Variants in DTNB observed in about 807,000 individuals in gnomAD.
The protein encoded by DTNB is dystrobrevin beta, also known as DTN-B.
DTNB carries 63 observed loss-of-function variants against 90.7 expected under a neutral mutation model. The observed-to-expected ratio is 0.69, with a 90% CI of 0.57 to 0.86. The LOEUF (loss-of-function observed/expected upper bound fraction) is 0.86. Among genes scored for constraint, DTNB ranks in the 40% least tolerant of loss-of-function variants. The probability of loss-of-function intolerance (pLI) is 0.00; values close to 1 mark genes in which losing one functional copy is unlikely to be tolerated. For synonymous variants in DTNB, 277 were observed against 286.7 expected (o/e 0.97, Z 0.34); for missense variants, 744 against 807.1 (o/e 0.92, Z 0.95).
chr2:25,614,804 C>T (rs1315819124), intron 4 of DTNB, among the ~76,000 whole-genome samples: 2 of 152,306 alleles, frequency 1.3e-5, no homozygotes, highest in South Asian at 2.1e-4. Context: ...TACTCTCTTA[C>T]ACAGCAATTC....
intron 2 of DTNB, among the ~76,000 whole-genome samples, chr2:25,644,235 A>G (rs765076149): frequency 5.5e-4 from 83 of 152,278 alleles, no homozygotes; most frequent in Non-Finnish European, 1.1e-3. Flanking sequence ...CGCACTGAGA[A>G]TTCTTTCTTG....
intron 16 of DTNB, among the ~76,000 whole-genome samples, chr2:25,395,649 T>C (rs918056448): frequency 2.4e-4 from 36 of 151,860 alleles, no homozygotes; most frequent in Admixed American, 3.3e-4. Flanking sequence ...TCAAAATCTA[T>C]GTGACAAAAT....
intron 2 of DTNB, chr2:25,639,346 A>G (rs965650874): frequency 8.7e-6 from 3 of 346,218 alleles, no homozygotes; most frequent in African/African-American, 2.1e-5. Context: ...CAGGGGGAGG[A>G]ACACTTATGA....
At chr2:25,606,642 G>A (rs1341885652) in intron 5 of DTNB, among the ~76,000 whole-genome samples, 3 of 152,070 alleles carry the variant, frequency 2.0e-5, no homozygotes, top group African/African-American at 4.8e-5. Flanking sequence ...TTAAATAGTT[G>A]TGAATTTCAT....
intron 1 of DTNB, among the ~76,000 whole-genome samples, chr2:25,655,663 T>C (rs1456747912): frequency 6.6e-6 from 1 of 152,126 alleles, no homozygotes; most frequent in Non-Finnish European, 1.5e-5. Flanking sequence ...TTTCCAATGA[T>C]GTCTTAAAGG....
At chr2:25,634,998 T>C (rs1328521364) in intron 3 of DTNB, among the ~76,000 whole-genome samples, 5 of 141,606 alleles carry the variant, frequency 3.5e-5, no homozygotes, top group Admixed American at 2.8e-4. Flanking sequence ...CCCTCCACTA[T>C]TGTCCTATGA....
At chr2:25,408,862 G>C (rs2045928924) in intron 16 of DTNB, among the ~76,000 whole-genome samples, 1 of 152,192 alleles carries the variant, frequency 6.6e-6, no homozygotes, top group African/African-American at 2.4e-5. Context: ...TTACCCTAGA[G>C]ACTGGTACAG....
At chr2:25,549,463 C>G (rs899690008) in intron 8 of DTNB, among the ~76,000 whole-genome samples, 3 of 152,072 alleles carry the variant, frequency 2.0e-5, no homozygotes, top group Non-Finnish European at 4.4e-5. Flanking sequence ...TATTTTCTTA[C>G]AAGTTGGAGT....
chr2:25,379,415 C>T lies in DTNB; in HGVS notation c.1880-92G>A, dbSNP rs987769569. 2.3e-5 allele frequency: 29 copies of T among 1,265,196 alleles called. No individual in the cohort carries two copies. The African/African-American group carries it at 4.3e-4, about 19-fold the overall frequency. The allele number at this position is 1,265,196 out of a possible 1,614,324, so 78.4% of individuals were successfully genotyped here. ...CTCAAAGGGGCTTCCCTGACCAACC[C>T]ACCCCAGGGGCTTCCTTGCTTCTCC... On this transcript the variant is annotated intron_variant, in intron 19 of 20. Transcript: ENST00000406818.
At chr2:25,410,825 T>A (rs2046400016) in intron 16 of DTNB, among the ~76,000 whole-genome samples, 1 of 152,224 alleles carries the variant, frequency 6.6e-6, no homozygotes, top group South Asian at 2.1e-4. Flanking sequence ...ATTATTTTTT[T>A]AAAACGTATC....
intron 12 of DTNB, among the ~76,000 whole-genome samples, chr2:25,443,270 G>A (rs1039514229): frequency 1.4e-4 from 21 of 152,154 alleles, no homozygotes; most frequent in Admixed American, 1.4e-3. Context: ...AAGGTGTTGA[G>A]GTCCCTTTAG....
intron 14 of DTNB, among the ~76,000 whole-genome samples, chr2:25,428,174 T>C (rs1378256696): frequency 6.6e-6 from 1 of 152,160 alleles, no homozygotes; most frequent in Non-Finnish European, 1.5e-5. Context: ...ATGGTTTTCT[T>C]GTCTCTGTCT....
intron 16 of DTNB, among the ~76,000 whole-genome samples, chr2:25,411,459 G>A (rs934265345): frequency 2.0e-5 from 3 of 152,062 alleles, no homozygotes; most frequent in African/African-American, 4.8e-5. Flanking sequence ...AGGTCCCTAC[G>A]GTGAGTACAG....
intron 1 of DTNB, among the ~76,000 whole-genome samples, chr2:25,660,646 G>A (rs748004560): frequency 6.6e-6 from 1 of 152,018 alleles, no homozygotes; most frequent in African/African-American, 2.4e-5. Context: ...TAAGGTAATC[G>A]TTTTCACTAA....
intron 6 of DTNB, among the ~76,000 whole-genome samples, chr2:25,588,416 A>G (rs146958845): frequency 3.3e-3 from 495 of 150,184 alleles, no homozygotes; most frequent in African/African-American, 0.011. Flanking sequence ...GCCAGGCTGG[A>G]GTGCAGTGGC....
intron 2 of DTNB, chr2:25,649,960 T>A: frequency 1.0e-6 from 1 of 961,192 alleles, no homozygotes; most frequent in Non-Finnish European, 1.2e-6. Context: ...CAGCAGACAC[T>A]ATAGTCACCC....
At chr2:25,411,867 C>G (rs1333817385) in intron 16 of DTNB, among the ~76,000 whole-genome samples, 1 of 152,104 alleles carries the variant, frequency 6.6e-6, no homozygotes, top group Non-Finnish European at 1.5e-5. Flanking sequence ...AATGGCAATC[C>G]TTTGCCTTTT....
chr2:25,583,260 A>AT (rs1236039655), intron 6 of DTNB, among the ~76,000 whole-genome samples: 74 of 144,406 alleles, frequency 5.1e-4, no homozygotes, highest in East Asian at 1.8e-3. Context: ...AAAAAAAAAA[A>AT]AAATATATAT....
At chr2:25,447,567 C>T (rs976093939) in intron 12 of DTNB, among the ~76,000 whole-genome samples, 6 of 141,708 alleles carry the variant, frequency 4.2e-5, no homozygotes, top group African/African-American at 7.9e-5. Context: ...TACAGTGGTG[C>T]GATCTCAGCT....
Sources: gnomAD v4.1 joint callset for allele counts (sites outside exome capture counted in the v4.1 genomes callset) on GRCh38, gnomAD v4.1.1 for gene constraint, MANE v1.5 for transcripts, NCBI Gene and HGNC (gene_info 2026-07-23, HGNC 2026-07-21) for gene names.